Variants in NEK1 observed in about 807,000 individuals in gnomAD.
NEK1 encodes the protein serine/threonine-protein kinase Nek1.
NEK1 carries 137 observed loss-of-function variants against 182.1 expected under a neutral mutation model. The observed-to-expected ratio is 0.75, with a 90% CI of 0.65 to 0.87. The LOEUF (loss-of-function observed/expected upper bound fraction) is 0.87. NEK1 is among the 40% of genes least tolerant of loss of function. The pLI, the probability that NEK1 is intolerant of heterozygous loss-of-function variation, is 0.00. For synonymous variants in NEK1, 513 were observed against 492.2 expected, an observed-to-expected ratio of 1.04 and a Z score of -0.56; for missense variants, 1,391 against 1,494.4, an observed-to-expected ratio of 0.93 and a Z score of 1.14.
At chr4:169,508,717 T>C in intron 20 of NEK1, 52 bp downstream of exon 20, 2 of 1,376,046 alleles carry the variant, frequency 1.5e-6, no homozygotes, top group Non-Finnish European at 9.8e-7. Flanking sequence ...AAGAAGGCAA[T>C]AAATTCAAAA....
intron 19 of NEK1, among the ~76,000 whole-genome samples, chr4:169,525,508 G>A (rs1037872781): frequency 3.9e-5 from 6 of 152,086 alleles, no homozygotes; most frequent in African/African-American, 9.6e-5. Context: ...TAAACTTAGC[G>A]TTGAAGAACT....
At chr4:169,485,799 G>A (rs1748935048) in intron 23 of NEK1, among the ~76,000 whole-genome samples, 1 of 152,170 alleles carries the variant, frequency 6.6e-6, no homozygotes, top group Admixed American at 6.5e-5. Context: ...AGGAGCACTT[G>A]AGCCCAGGAG....
chr4:169,429,564 G>A (rs578040453), intron 29 of NEK1, among the ~76,000 whole-genome samples: 1 of 151,042 alleles, frequency 6.6e-6, no homozygotes, highest in East Asian at 2.0e-4. Context: ...AAAACAATCA[G>A]TGGAAAATAC....
intron 19 of NEK1, among the ~76,000 whole-genome samples, chr4:169,522,947 G>A (rs1204613121): frequency 1.3e-5 from 2 of 152,200 alleles, no homozygotes; most frequent in African/African-American, 2.4e-5. Context: ...ACGGGAGACA[G>A]AAAACCCAGA....
chr4:169,589,785 G>A (rs974023480), intron 6 of NEK1, among the ~76,000 whole-genome samples: 5 of 152,012 alleles, frequency 3.3e-5, no homozygotes, highest in African/African-American at 1.2e-4. Flanking sequence ...CTAGGGAATG[G>A]TTTCTTAGAT....
intron 23 of NEK1, among the ~76,000 whole-genome samples, chr4:169,504,832 A>G (rs2149681866): frequency 6.6e-6 from 1 of 152,340 alleles, no homozygotes; most frequent in Middle Eastern, 3.4e-3. Flanking sequence ...GAATATAGTC[A>G]ACAATAATTT....
chr4:169,526,270 C>T (rs1210071381), intron 19 of NEK1, among the ~76,000 whole-genome samples: 32 of 152,290 alleles, frequency 2.1e-4, no homozygotes, highest in Non-Finnish European at 1.5e-5. Flanking sequence ...GGGAGGATAA[C>T]TTGAAGCTAG....
intron 9 of NEK1, among the ~76,000 whole-genome samples, chr4:169,586,252 A>G (rs1244855767): frequency 1.3e-5 from 2 of 152,052 alleles, no homozygotes; most frequent in Non-Finnish European, 2.9e-5. Context: ...TACAATGTTG[A>G]TATCTTCTTA....
chr4:169,590,526 G>C (rs1407333251), intron 6 of NEK1, among the ~76,000 whole-genome samples, 200 bp downstream of exon 6: 1 of 152,078 alleles, frequency 6.6e-6, no homozygotes, highest in Non-Finnish European at 1.5e-5. Context: ...AAGTTTCAGA[G>C]ACTGGGAAGG....
chr4:169,555,454 C>G (rs551896569), intron 18 of NEK1: 1 of 384,260 alleles, frequency 2.6e-6, no homozygotes, highest in Non-Finnish European at 4.8e-6. Context: ...ATTATGTTGG[C>G]AGAATGTTAT....
chr4:169,407,173 C>T (rs1344658895), intron 31 of NEK1, among the ~76,000 whole-genome samples: 2 of 152,146 alleles, frequency 1.3e-5, no homozygotes. Context: ...CACTCACGAC[C>T]CATTTGTTCC....
chr4:169,609,677 A>G (rs1018992336), intron 2 of NEK1, among the ~76,000 whole-genome samples: 3 of 152,162 alleles, frequency 2.0e-5, no homozygotes, highest in Non-Finnish European at 4.4e-5. Context: ...GATACACAAT[A>G]AACTAGTAAT....
At chr4:169,411,357 G>A (rs994890986) in intron 31 of NEK1, among the ~76,000 whole-genome samples, 2 of 149,164 alleles carry the variant, frequency 1.3e-5, no homozygotes, top group East Asian at 2.0e-4. Flanking sequence ...ATGGTGTCTC[G>A]CTCTTGCTGC....
intron 18 of NEK1, among the ~76,000 whole-genome samples, chr4:169,547,915 C>T (rs1162669007): frequency 6.6e-6 from 1 of 152,130 alleles, no homozygotes; most frequent in Non-Finnish European, 1.5e-5. Context: ...TGGGTTAGAA[C>T]ATGTTCCTTT....
intron 27 of NEK1, among the ~76,000 whole-genome samples, chr4:169,449,720 G>T (rs1442985266): frequency 6.6e-6 from 1 of 152,184 alleles, no homozygotes; most frequent in East Asian, 1.9e-4. Context: ...AAGATGGGGA[G>T]AAACCAAAGC....
At chr4:169,540,889 G>A (rs995674357) in intron 18 of NEK1, among the ~76,000 whole-genome samples, 16 of 150,648 alleles carry the variant, frequency 1.1e-4, no homozygotes, top group African/African-American at 3.9e-4. Context: ...TTTTAGCCCT[G>A]ACAAGAGAAG....
chr4:169,426,780 T>C (rs1273317363), intron 29 of NEK1, among the ~76,000 whole-genome samples: 1 of 152,188 alleles, frequency 6.6e-6, no homozygotes, highest in East Asian at 1.9e-4. Context: ...ATAGGCAAGA[T>C]ATACTGTTAA....
intron 5 of NEK1, among the ~76,000 whole-genome samples, chr4:169,596,456 G>C (rs1408331405): frequency 6.6e-6 from 1 of 152,102 alleles, no homozygotes; most frequent in Non-Finnish European, 1.5e-5. Context: ...TTTCAAATAA[G>C]GCAAAAATAC....
chr4:169,403,575 A>C lies in NEK1; in HGVS notation c.3375-1715T>G, dbSNP rs564351024. On this transcript the variant is annotated intron_variant, in intron 32 of 35. Transcript: ENST00000507142. ...ACAGAGTGAGACCCTATCTCCCCCA[A>C]AAAATTTTATTATTAAAAAAAGATC... is the stretch of plus-strand genomic sequence containing the variant. Among the ~76,000 whole-genome samples, 123 of 152,164 alleles carry C rather than the reference A, an allele frequency of 8.1e-4. 1 individual carries two copies. Among genetic ancestry groups the C allele is most frequent in the African/African-American group, 2.7e-3 (111 of 41,498 alleles).
Sources: allele counts gnomAD v4.1 joint callset (sites outside exome capture counted in the v4.1 genomes callset), GRCh38; gene constraint gnomAD v4.1.1; transcripts MANE v1.5; gene names NCBI Gene and HGNC (gene_info 2026-07-23, HGNC 2026-07-21).